SLC2A12: variants seen among roughly 807,000 people sequenced by gnomAD.
SLC2A12 encodes the protein solute carrier family 2, facilitated glucose transporter member 12.
A neutral mutation model predicts 41.8 loss-of-function variants in SLC2A12; 23 were observed. The ratio of observed to expected loss-of-function variants is 0.55; its 90% CI spans 0.40 to 0.78. The LOEUF (loss-of-function observed/expected upper bound fraction) is 0.78. SLC2A12 is among the 30% of genes least tolerant of loss of function. The probability of loss-of-function intolerance (pLI) is 0.00; values close to 1 mark genes in which losing one functional copy is unlikely to be tolerated. For missense variants in SLC2A12, 654 were observed against 745.6 expected, an observed-to-expected ratio of 0.88 and a Z score of 1.43; for synonymous variants, 295 against 285.9, an observed-to-expected ratio of 1.03 and a Z score of -0.32.
At chr6:134,026,394 A>T (rs1777112486) in intron 2 of SLC2A12, among the ~76,000 whole-genome samples, 1 of 152,240 alleles carries the variant, frequency 6.6e-6, no homozygotes, top group Non-Finnish European at 1.5e-5. Context: ...CCTTGGTACA[A>T]GACTGCACCT....
At chr6:134,000,614 C>T (rs567679814) in intron 4 of SLC2A12, among the ~76,000 whole-genome samples, 13 of 152,262 alleles carry the variant, frequency 8.5e-5, no homozygotes, top group South Asian at 4.2e-4. Flanking sequence ...AATGGAACGA[C>T]GTAATCCTAG....
intron 4 of SLC2A12, 34 bp downstream of exon 4, chr6:134,001,963 G>T (rs1352878434): frequency 6.3e-7 from 1 of 1,594,596 alleles, no homozygotes; most frequent in South Asian, 1.1e-5. Context: ...TGACCAAAGA[G>T]TATTGTTCAG....
chr6:133,998,199 G>T (rs113258021), intron 4 of SLC2A12, among the ~76,000 whole-genome samples: 1,648 of 152,222 alleles, frequency 0.011, 24 homozygotes, highest in Non-Finnish European at 0.011. Context: ...GAATTAATAA[G>T]TTCTGTTGGG....
intron 2 of SLC2A12, among the ~76,000 whole-genome samples, chr6:134,023,369 A>G (rs995701981): frequency 2.0e-5 from 3 of 152,240 alleles, no homozygotes; most frequent in Non-Finnish European, 4.4e-5. Context: ...GCCCCAGAGC[A>G]TCGCTCCGAG....
intron 2 of SLC2A12, among the ~76,000 whole-genome samples, chr6:134,020,162 T>A (rs1159730326): frequency 1.3e-5 from 2 of 152,142 alleles, no homozygotes; most frequent in Non-Finnish European, 2.9e-5. Flanking sequence ...CACTTTAACC[T>A]AAGAATAGAA....
rs1776577747 is a variant in SLC2A12 at position 133,988,889 on chromosome 6, T to C, written c.*2266A>G. 6.6e-6 allele frequency: 1 copy of C among 152,204 alleles called. No individual in the cohort carries two copies. The highest frequency in any genetic ancestry group is 1.5e-5 in the Non-Finnish European group (1 of 68,030). 9.4% of individuals were successfully genotyped at this position (152,204 alleles called of 1,614,324 possible). On this transcript the variant is annotated 3_prime_UTR_variant, in exon 5 of 5. Coordinates refer to ENST00000275230, the MANE Select transcript of SLC2A12 (RefSeq NM_145176.3). ...AACAGTAATAAGTCACCTCCTGTTT[T>C]TCAATGTTCACCAAAAAAAGAAACA...
intron 1 of SLC2A12, among the ~76,000 whole-genome samples, chr6:134,032,420 A>ATT (rs1371698877): frequency 2.7e-5 from 1 of 36,522 alleles, no homozygotes; most frequent in African/African-American, 9.4e-5. Context: ...ATATATATAT[A>ATT]TATATTTATA....
intron 4 of SLC2A12, among the ~76,000 whole-genome samples, chr6:133,996,490 A>G (rs1252605557): frequency 1.3e-5 from 2 of 152,208 alleles, no homozygotes; most frequent in African/African-American, 4.8e-5. Context: ...TTGGAAGAAT[A>G]TTCGTTTTTT....
At chr6:133,991,890 C>T (rs1344627858) in intron 4 of SLC2A12, among the ~76,000 whole-genome samples, 1 of 152,082 alleles carries the variant, frequency 6.6e-6, no homozygotes, top group African/African-American at 2.4e-5. Flanking sequence ...AAGGAGCTTA[C>T]TTAGATTTTA....
intron 2 of SLC2A12, among the ~76,000 whole-genome samples, chr6:134,007,587 A>T (rs1340612164): frequency 6.6e-6 from 1 of 152,196 alleles, no homozygotes; most frequent in Non-Finnish European, 1.5e-5. Context: ...ACCAAAACTC[A>T]TCAGAGGACT....
chr6:134,050,148 T>C (rs928669634), intron 1 of SLC2A12, among the ~76,000 whole-genome samples: 3 of 152,230 alleles, frequency 2.0e-5, no homozygotes, highest in African/African-American at 7.2e-5. Flanking sequence ...GAATGGAGAC[T>C]TTAAGTAACT....
At chr6:134,008,298 G>A (rs1473733499) in intron 2 of SLC2A12, among the ~76,000 whole-genome samples, 1 of 152,118 alleles carries the variant, frequency 6.6e-6, no homozygotes, top group Non-Finnish European at 1.5e-5. Context: ...CTGTAAATTT[G>A]CTGCTTTAAA....
chr6:134,032,397 C>G (rs1777219738), intron 1 of SLC2A12, among the ~76,000 whole-genome samples: 1 of 65,952 alleles, frequency 1.5e-5, no homozygotes, highest in Non-Finnish European at 3.6e-5. Flanking sequence ...TACCTGGGTA[C>G]AGGGAGAAAT....
intron 2 of SLC2A12, among the ~76,000 whole-genome samples, chr6:134,028,165 C>T (rs886991158): frequency 6.6e-6 from 1 of 152,200 alleles, no homozygotes; most frequent in Non-Finnish European, 1.5e-5. Context: ...AAAGTATCCT[C>T]ATGTGACAGA....
intron 4 of SLC2A12, among the ~76,000 whole-genome samples, chr6:133,996,080 G>T (rs1292385928): frequency 1.3e-5 from 2 of 152,212 alleles, no homozygotes; most frequent in Non-Finnish European, 2.9e-5. Context: ...ATCTCATGGT[G>T]ATTGTACTCG....
Position 134,047,542 on chromosome 6 carries a change from G to T in SLC2A12, c.103+4836C>A, listed in dbSNP as rs1453424537. 2.6e-5 allele frequency among the ~76,000 whole-genome samples: 4 copies of T among 152,268 alleles called. 1 individual carries two copies. The South Asian group carries it at 8.3e-4, about 32-fold the overall frequency. On this transcript the variant is annotated intron_variant, in intron 1 of 4. Coordinates refer to ENST00000275230, the MANE Select transcript of SLC2A12 (RefSeq NM_145176.3). ...CTCAGCTTCCTTCGGCTGCTCCAAG[G>T]TAGATTCAGTGTATTTTGAGTTCTG...
At chr6:134,043,870 T>C (rs1364452424) in intron 1 of SLC2A12, among the ~76,000 whole-genome samples, 2 of 152,036 alleles carry the variant, frequency 1.3e-5, no homozygotes, top group East Asian at 1.9e-4. Flanking sequence ...ATTCCTGTTT[T>C]CATGGTACTT....
At chr6:134,018,348 T>C (rs1339329177) in intron 2 of SLC2A12, among the ~76,000 whole-genome samples, 1 of 152,226 alleles carries the variant, frequency 6.6e-6, no homozygotes, top group African/African-American at 2.4e-5. Context: ...CCCTGTTTTC[T>C]AGATAAAACT....
intron 4 of SLC2A12, among the ~76,000 whole-genome samples, chr6:133,991,646 ATATT>A (rs1300819805): frequency 1.3e-5 from 2 of 152,144 alleles, no homozygotes; most frequent in South Asian, 2.1e-4. Flanking sequence ...CAATGTGCCT[ATATT>A]TATATCTCTT....
Sources: gnomAD v4.1 joint callset for allele counts (sites outside exome capture counted in the v4.1 genomes callset) on GRCh38, gnomAD v4.1.1 for gene constraint, MANE v1.5 for transcripts, NCBI Gene and HGNC (gene_info 2026-07-23, HGNC 2026-07-21) for gene names.